Variants in FRMD4A observed in about 807,000 individuals in gnomAD.
FRMD4A encodes FERM domain-containing protein 4A.
Under a neutral mutation model 129.1 loss-of-function variants are expected in FRMD4A, and 29 were observed. The observed-to-expected ratio is 0.22, with a 90% CI of 0.17 to 0.31. The LOEUF (loss-of-function observed/expected upper bound fraction) is 0.31. Ranked by LOEUF, FRMD4A falls within the 10% of genes least tolerant of loss-of-function variation. The pLI is 1.00. For synonymous variants in FRMD4A, 634 were observed against 571.6 expected, an observed-to-expected ratio of 1.11 and a Z score of -1.56; for missense variants, 1,272 against 1,375.8, an observed-to-expected ratio of 0.92 and a Z score of 1.19.
chr10:14,084,904 G>A (rs552904738), intron 2 of FRMD4A, among the ~76,000 whole-genome samples: 1 of 152,316 alleles, frequency 6.6e-6, no homozygotes, highest in East Asian at 1.9e-4. Context: ...TGACCCTGGT[G>A]CTTCCCCGCA....
At chr10:13,657,787 G>GTTTTTTTTTTTTTTTT (rs1204181870) in intron 21 of FRMD4A, among the ~76,000 whole-genome samples, 3 of 110,960 alleles carry the variant, frequency 2.7e-5, no homozygotes, top group African/African-American at 1.1e-4. Context: ...TCGATTTCTG[G>GTTTTTTTTTTTTTTTT]GTTTTTTTTT....
Position 14,132,929 on chromosome 10 carries a change from A to G in FRMD4A, c.45+197129T>C, listed in dbSNP as rs1024250504. The stretch of plus-strand genomic sequence containing the variant: ...TTCAGCAACAATATTTCCTGGTGCC[A>G]TTAGAATTCTAAAGACAAGGCAGCC... On this transcript the variant is annotated intron_variant, in intron 2 of 24. Coordinates refer to ENST00000357447, the MANE Select transcript of FRMD4A (RefSeq NM_018027.5). 2.6e-5 allele frequency among the ~76,000 whole-genome samples: 4 copies of G among 152,330 alleles called. No individual in the cohort carries two copies. In the South Asian group the frequency reaches 8.3e-4, roughly 32 times the overall value.
intron 2 of FRMD4A, among the ~76,000 whole-genome samples, chr10:14,186,010 G>A (rs530697510): frequency 6.6e-6 from 1 of 152,264 alleles, no homozygotes; most frequent in Non-Finnish European, 1.5e-5. Flanking sequence ...CCATGGTGAT[G>A]GAGCACAGCA....
At chr10:13,775,367 A>G (rs2092570763) in intron 6 of FRMD4A, among the ~76,000 whole-genome samples, 1 of 152,236 alleles carries the variant, frequency 6.6e-6, no homozygotes. Context: ...GGGGTGTCAC[A>G]TACAATGGAT....
chr10:13,902,456 G>GGAGAGAGAGAGAGAGAGA (rs140040052), intron 2 of FRMD4A, among the ~76,000 whole-genome samples: 1,706 of 127,672 alleles, frequency 0.013, 59 homozygotes, highest in Middle Eastern at 0.019. Flanking sequence ...GCAAAATACT[G>GGAGAGAGAGAGAGAGAGA]GAGAGAGAGA....
chr10:14,066,703 T>C (rs1230489589), intron 2 of FRMD4A, among the ~76,000 whole-genome samples: 1 of 152,028 alleles, frequency 6.6e-6, no homozygotes, highest in Non-Finnish European at 1.5e-5. Flanking sequence ...TGAAAAGAGA[T>C]GCAGGATCGA....
At chr10:14,174,926 C>T (rs551545876) in intron 2 of FRMD4A, among the ~76,000 whole-genome samples, 5 of 146,122 alleles carry the variant, frequency 3.4e-5, no homozygotes, top group South Asian at 4.3e-4. Flanking sequence ...TGTGGACGCG[C>T]GCGTACGGGC....
chr10:14,068,145 T>C (rs1353328317), intron 2 of FRMD4A, among the ~76,000 whole-genome samples: 1 of 152,200 alleles, frequency 6.6e-6, no homozygotes, highest in African/African-American at 2.4e-5. Flanking sequence ...AACACTAACA[T>C]CTTAGCAGGA....
intron 2 of FRMD4A, among the ~76,000 whole-genome samples, chr10:14,049,061 A>G (rs949899462): frequency 1.3e-5 from 2 of 152,170 alleles, no homozygotes; most frequent in African/African-American, 4.8e-5. Context: ...GGCTTGGAGA[A>G]TCATGTAATA....
At chr10:14,185,619 T>G (rs960388947) in intron 2 of FRMD4A, among the ~76,000 whole-genome samples, 2 of 80,200 alleles carry the variant, frequency 2.5e-5, no homozygotes, top group African/African-American at 9.0e-5. Flanking sequence ...AGAAAGGGGA[T>G]ATATACTTCA....
At chr10:13,788,572 C>T (rs1272253105) in intron 5 of FRMD4A, among the ~76,000 whole-genome samples, 9 of 152,226 alleles carry the variant, frequency 5.9e-5, no homozygotes, top group Admixed American at 2.6e-4. Flanking sequence ...ACATTTTAAA[C>T]GGGTTTTGGG....
chr10:14,083,774 A>G (rs1836075292), intron 2 of FRMD4A: 2 of 152,336 alleles, frequency 1.3e-5, no homozygotes, highest in East Asian at 3.9e-4. Flanking sequence ...CGATTGCAAA[A>G]GACAGAAATA....
chr10:13,712,777 C>T (rs561136803), intron 12 of FRMD4A, among the ~76,000 whole-genome samples: 1 of 152,322 alleles, frequency 6.6e-6, no homozygotes, highest in South Asian at 2.1e-4. Flanking sequence ...AACACTTATC[C>T]ACGGAGTGCA....
At chr10:14,291,707 A>G (rs1845854814) in intron 2 of FRMD4A, among the ~76,000 whole-genome samples, 1 of 152,080 alleles carries the variant, frequency 6.6e-6, no homozygotes. Flanking sequence ...AACACATTTA[A>G]TGGCAAAATG....
In FRMD4A at chr10:13,804,567, C is replaced by T. The variant is rs576363554; in HGVS notation, c.206+6247G>A. On this transcript the variant is annotated intron_variant, in intron 4 of 24. Coordinates refer to ENST00000357447, the MANE Select transcript of FRMD4A (RefSeq NM_018027.5). ...TCTTTATTTCTTTTTTTTGTTGAGA[C>T]GGAGTCTCGCTCTGTCGCCAGGCTG... Among the ~76,000 whole-genome samples, 12 of 150,478 alleles carry T rather than the reference C, an allele frequency of 8.0e-5. No homozygotes were observed. The South Asian group carries it at 1.0e-3, about 13-fold the overall frequency.
intron 2 of FRMD4A, among the ~76,000 whole-genome samples, chr10:14,329,351 C>T (rs1843418015): frequency 6.6e-6 from 1 of 152,178 alleles, no homozygotes; most frequent in Admixed American, 6.5e-5. Context: ...AGTGTCAAGC[C>T]AAAAGCCAAT....
intron 2 of FRMD4A, among the ~76,000 whole-genome samples, chr10:14,143,251 C>T (rs553884112): frequency 1.3e-5 from 2 of 152,194 alleles, no homozygotes; most frequent in South Asian, 2.1e-4. Flanking sequence ...AACAGATGAA[C>T]GAATAAACAA....
At chr10:13,935,846 G>C (rs558839762) in intron 2 of FRMD4A, among the ~76,000 whole-genome samples, 8 of 152,214 alleles carry the variant, frequency 5.3e-5, no homozygotes, top group African/African-American at 1.9e-4. Flanking sequence ...CATGCCTTCT[G>C]CAAGTAGAAA....
At chr10:14,309,992 C>T (rs1051727219) in intron 2 of FRMD4A, among the ~76,000 whole-genome samples, 2 of 151,850 alleles carry the variant, frequency 1.3e-5, no homozygotes, top group Non-Finnish European at 2.9e-5. Context: ...TCTTCCAGCA[C>T]CTGTGATGTC....
Sources: gnomAD v4.1 joint callset for allele counts (sites outside exome capture counted in the v4.1 genomes callset) on GRCh38, gnomAD v4.1.1 for gene constraint, MANE v1.5 for transcripts, NCBI Gene and HGNC (gene_info 2026-07-23, HGNC 2026-07-21) for gene names.